The following ZNF609 variants were observed in gnomAD, a reference collection of about 807,000 sequenced individuals.
ZNF609 encodes zinc finger protein 609.
Under a neutral mutation model 109.5 loss-of-function variants are expected in ZNF609, and 11 were observed. That is an observed-to-expected ratio of 0.10 (90% CI 0.06 to 0.17). The LOEUF (loss-of-function observed/expected upper bound fraction) is 0.17. ZNF609 is among the 10% of genes least tolerant of loss of function. ZNF609 has a pLI of 1.00. For missense variants in ZNF609, 1,559 were observed against 1,772.4 expected (o/e 0.88, Z 2.16); for synonymous variants, 646 against 662.0 (o/e 0.98, Z 0.37).
intron 3 of ZNF609, among the ~76,000 whole-genome samples, chr15:64,638,822 G>A (rs1896215206): frequency 6.6e-6 from 1 of 152,190 alleles, no homozygotes; most frequent in Admixed American, 6.5e-5. Flanking sequence ...CTGAGTCCAG[G>A]AAGGCTGAGG....
intron 1 of ZNF609, among the ~76,000 whole-genome samples, chr15:64,479,592 G>A (rs748023991): frequency 1.2e-4 from 18 of 151,548 alleles, no homozygotes; most frequent in Non-Finnish European, 2.1e-4. Context: ...CGCCTGGCCC[G>A]TACCTGTGTG....
At chr15:64,484,092 A>C (rs1406533473) in intron 1 of ZNF609, among the ~76,000 whole-genome samples, 1 of 148,750 alleles carries the variant, frequency 6.7e-6, no homozygotes, top group South Asian at 2.1e-4. Flanking sequence ...TCCAAAGACC[A>C]TCTTGATGAT....
At chr15:64,519,071 G>A (rs767970548) in intron 2 of ZNF609, among the ~76,000 whole-genome samples, 1 of 136,998 alleles carries the variant, frequency 7.3e-6, no homozygotes, top group Non-Finnish European at 1.5e-5. Flanking sequence ...GTTATAGGAT[G>A]CTGAGAGCCT....
At position 64,528,928 on chromosome 15, in the gene ZNF609, A is replaced by G. The variant is rs1811485509; in HGVS notation, c.747+28762A>G. 8 of 1,239,088 alleles carry G rather than the reference A, an allele frequency of 6.5e-6. No individual in the cohort carries two copies. In the South Asian group the frequency reaches 8.7e-5, roughly 14 times the overall value. The allele number at this position is 1,239,088 out of a possible 1,614,324, so 76.8% of individuals were successfully genotyped here. A position where few individuals can be genotyped will look rare whatever the true frequency, so the allele number is the denominator to read the frequency against. The stretch of plus-strand genomic sequence containing the variant: ...TGTCATCATATTGGCAGGTTTTTCC[A>G]GACGACAGGTCAGGTCCGCCACTGA... On this transcript the variant is annotated intron_variant, in intron 2 of 9. Coordinates refer to ENST00000326648, the MANE Select transcript of ZNF609 (RefSeq NM_015042.2).
intron 3 of ZNF609, among the ~76,000 whole-genome samples, chr15:64,664,200 C>T (rs1337553848): frequency 2.8e-4 from 43 of 152,000 alleles, no homozygotes; most frequent in Admixed American, 2.8e-3. Flanking sequence ...TGCACTCCAG[C>T]CTGGGTGACA....
chr15:64,599,143 T>TA (rs948396757), intron 2 of ZNF609, among the ~76,000 whole-genome samples: 34 of 117,800 alleles, frequency 2.9e-4, no homozygotes, highest in African/African-American at 4.6e-4. Context: ...CTGAGCAAAG[T>TA]AAAAAAAAAA....
chr15:64,665,204 A>G (rs958417909), intron 3 of ZNF609, among the ~76,000 whole-genome samples: 1 of 152,168 alleles, frequency 6.6e-6, no homozygotes, highest in South Asian at 2.1e-4. Flanking sequence ...ACCCCCTGCA[A>G]TCCTGTATGT....
chr15:64,462,543 A>C (rs1721187102), intron 1 of ZNF609, among the ~76,000 whole-genome samples: 1 of 152,218 alleles, frequency 6.6e-6, no homozygotes, highest in Admixed American at 6.5e-5. Context: ...ATGAAGCCAG[A>C]GGATGGCTGG....
chr15:64,585,085 G>T (rs1895174351), intron 2 of ZNF609, among the ~76,000 whole-genome samples: 1 of 151,846 alleles, frequency 6.6e-6, no homozygotes, highest in Non-Finnish European at 1.5e-5. Flanking sequence ...AGCACTTTGG[G>T]AGGCCAAGGC....
intron 2 of ZNF609, among the ~76,000 whole-genome samples, chr15:64,522,767 C>T (rs1893910524): frequency 6.6e-6 from 1 of 152,062 alleles, no homozygotes; most frequent in Non-Finnish European, 1.5e-5. Context: ...TATGAGATTT[C>T]TAGTTGTATA....
rs1376046280 is a variant in ZNF609, at chr15:64,675,736, T to G, written c.2882T>G (p.Ile961Ser). Residue 961 changes from isoleucine (I) to serine (S), a missense_variant, in exon 5 of 10, where the codon ATC (isoleucine) becomes AGC (serine). Physicochemically the swap from Ile to Ser is moderately radical, Grantham distance 142. This residue lies in a region of ZNF609 where 1,204 missense variants were observed against 1,314.1 expected (regional missense o/e 0.92). Transcript: ENST00000326648. ...AGTTCCAGTCAGCAGCCCTCGGTCA[T>G]CCAGCAGCGTCCCAATATGTACATG... ...LSSSSQQPSVIQQRPNMYMQS... is the reference protein window; with the variant it reads ...LSSSSQQPSVSQQRPNMYMQS... 1 of 1,614,160 alleles carries G rather than the reference T, an allele frequency of 6.2e-7. No homozygotes were observed. Among genetic ancestry groups the G allele is most frequent in the Non-Finnish European group, 8.5e-7 (1 of 1,180,036 alleles).
intron 2 of ZNF609, among the ~76,000 whole-genome samples, chr15:64,603,674 C>A (rs1195162152): frequency 2.6e-5 from 4 of 151,932 alleles, no homozygotes; most frequent in Non-Finnish European, 4.4e-5. Context: ...ATAATCAACT[C>A]TTTTCTTGTT....
intron 2 of ZNF609, chr15:64,529,220 G>C: frequency 1.4e-6 from 1 of 724,524 alleles, no homozygotes; most frequent in Admixed American, 1.8e-5. Context: ...TGATGCAGGA[G>C]GCATTGCTGA....
intron 2 of ZNF609, among the ~76,000 whole-genome samples, chr15:64,579,746 C>G (rs1895065848): frequency 6.6e-6 from 1 of 151,890 alleles, no homozygotes; most frequent in Admixed American, 6.6e-5. Context: ...TAGCTCTGTT[C>G]CCTTCTTTGT....
intron 2 of ZNF609, among the ~76,000 whole-genome samples, chr15:64,568,705 T>G (rs1894815639): frequency 1.3e-5 from 2 of 152,236 alleles, no homozygotes; most frequent in Non-Finnish European, 2.9e-5. Flanking sequence ...CCTAGGTATT[T>G]AGGCTTTTTC....
chr15:64,672,170 G>C (rs1384471914), intron 4 of ZNF609, among the ~76,000 whole-genome samples: 1 of 149,850 alleles, frequency 6.7e-6, no homozygotes, highest in African/African-American at 2.4e-5. Flanking sequence ...CCGCCACCAC[G>C]CCCGGCTAAT....
intron 2 of ZNF609, among the ~76,000 whole-genome samples, chr15:64,548,491 T>A (rs1418874527): frequency 6.6e-6 from 1 of 152,206 alleles, no homozygotes; most frequent in Non-Finnish European, 1.5e-5. Flanking sequence ...CTGGGCTAGG[T>A]GGCTCATGTC....
chr15:64,673,312 A>G (rs1896763229), intron 4 of ZNF609, among the ~76,000 whole-genome samples: 1 of 152,206 alleles, frequency 6.6e-6, no homozygotes, highest in South Asian at 2.1e-4. Context: ...AATCTTAGCT[A>G]AAGGTTTAAT....
intron 1 of ZNF609, among the ~76,000 whole-genome samples, chr15:64,479,927 A>G (rs1893228444): frequency 6.6e-6 from 1 of 151,702 alleles, no homozygotes; most frequent in Admixed American, 6.6e-5. Flanking sequence ...TCAAATTTAA[A>G]AAAAATTAAA....
Sources: allele counts gnomAD v4.1 joint callset (sites outside exome capture counted in the v4.1 genomes callset), GRCh38; gene constraint gnomAD v4.1.1; regional missense constraint gnomAD v4.1.1; transcripts MANE v1.5; gene names NCBI Gene and HGNC (gene_info 2026-07-23, HGNC 2026-07-21).